GALNTL6: variants seen among roughly 807,000 people sequenced by gnomAD.
The protein encoded by GALNTL6 is polypeptide N-acetylgalactosaminyltransferase like 6, also known as polypeptide N-acetylgalactosaminyltransferase-like 6.
In GALNTL6, 46 loss-of-function variants were observed where a neutral mutation model predicts 73.7. The ratio of observed to expected loss-of-function variants is 0.62; its 90% CI spans 0.49 to 0.80. The LOEUF (loss-of-function observed/expected upper bound fraction) is 0.80, where lower values mean the gene tolerates loss of function less well. GALNTL6 is among the 30% of genes least tolerant of loss of function. The pLI is 0.00. For synonymous variants in GALNTL6, 259 were observed against 263.7 expected (o/e 0.98, Z 0.17); for missense variants, 604 against 755.0 (o/e 0.80, Z 2.34).
At chr4:171,995,807 A>T (rs2110747299) in intron 2 of GALNTL6, among the ~76,000 whole-genome samples, 1 of 152,214 alleles carries the variant, frequency 6.6e-6, no homozygotes, top group South Asian at 2.1e-4. Flanking sequence ...ATTCCAAAAT[A>T]TTATGTTGGT....
intron 2 of GALNTL6, among the ~76,000 whole-genome samples, chr4:172,072,764 C>T (rs2110905018): frequency 6.6e-6 from 1 of 152,322 alleles, no homozygotes; most frequent in East Asian, 1.9e-4. Flanking sequence ...CTGTCACTAA[C>T]ATCTTAGCCC....
intron 2 of GALNTL6, among the ~76,000 whole-genome samples, chr4:172,210,771 C>T (rs933799844): frequency 6.6e-6 from 1 of 152,114 alleles, no homozygotes; most frequent in Non-Finnish European, 1.5e-5. Flanking sequence ...GAGTTACGTT[C>T]CACCTAGTTG....
intron 2 of GALNTL6, chr4:172,052,456 G>A: frequency 6.5e-7 from 1 of 1,535,160 alleles, no homozygotes. Flanking sequence ...TGAGAGCCAA[G>A]TTCAGAGCCG....
At chr4:172,838,882 C>T (rs1039557767) in intron 7 of GALNTL6, among the ~76,000 whole-genome samples, 3 of 152,146 alleles carry the variant, frequency 2.0e-5, no homozygotes, top group Non-Finnish European at 2.9e-5. Context: ...CCCATCACCA[C>T]AGGGCATAAA....
chr4:171,926,623 A>T (rs1000931318), intron 2 of GALNTL6, among the ~76,000 whole-genome samples: 1 of 152,148 alleles, frequency 6.6e-6, no homozygotes, highest in Non-Finnish European at 1.5e-5. Flanking sequence ...TTTGTTATTT[A>T]AAAAACTTAC....
Position 172,532,368 on chromosome 4 carries a change from A to G in GALNTL6, c.553+183679A>G, listed in dbSNP as rs72704850. 3.9e-3 allele frequency among the ~76,000 whole-genome samples: 598 copies of G among 152,314 alleles called. 3 individuals carry two copies. Among genetic ancestry groups the G allele is most frequent in the Admixed American group, 7.4e-3 (113 of 15,306 alleles). On this transcript the variant is annotated intron_variant, in intron 5 of 12. Transcript: ENST00000506823. ...ACCAAGGATTGCCAGCAACAGCAGA[A>G]GCAAAGAAAAAGGCATGGAATAGAT...
At chr4:172,118,998 T>C (rs917752448) in intron 2 of GALNTL6, among the ~76,000 whole-genome samples, 5 of 151,876 alleles carry the variant, frequency 3.3e-5, no homozygotes, top group Admixed American at 3.3e-4. Flanking sequence ...TCTCATCAAA[T>C]CTCGTATTCA....
intron 9 of GALNTL6, among the ~76,000 whole-genome samples, chr4:172,940,641 G>A (rs944530259): frequency 2.6e-5 from 4 of 151,954 alleles, no homozygotes; most frequent in Non-Finnish European, 5.9e-5. Context: ...GATTACAGGC[G>A]CAAGCCACCA....
At chr4:172,915,148 T>C (rs957425747) in intron 8 of GALNTL6, among the ~76,000 whole-genome samples, 2 of 152,178 alleles carry the variant, frequency 1.3e-5, no homozygotes, top group African/African-American at 4.8e-5. Context: ...CCTGAATGAC[T>C]ACTGGGTACA....
intron 2 of GALNTL6, among the ~76,000 whole-genome samples, chr4:171,863,264 A>G (rs888995435): frequency 6.6e-6 from 1 of 152,216 alleles, no homozygotes; most frequent in African/African-American, 2.4e-5. Flanking sequence ...AAACTAATCA[A>G]TAAACATATT....
intron 5 of GALNTL6, among the ~76,000 whole-genome samples, chr4:172,524,064 C>A (rs898132359): frequency 6.6e-6 from 1 of 152,070 alleles, no homozygotes; most frequent in Non-Finnish European, 1.5e-5. Context: ...AGTTTTACTA[C>A]GTAAGCACAT....
intron 2 of GALNTL6, among the ~76,000 whole-genome samples, chr4:172,227,936 A>C (rs1736923903): frequency 6.6e-6 from 1 of 152,194 alleles, no homozygotes; most frequent in African/African-American, 2.4e-5. Flanking sequence ...AAAATTATCT[A>C]TTTTAATCTG....
Position 172,538,322 on chromosome 4 carries a change from G to A in GALNTL6, c.553+189633G>A, listed in dbSNP as rs535779958. ...AAAAATACAAAAAAATTAGCCAGGC[G>A]TGGTGGCGGTGCCTGTAGTCCCATC... On this transcript the variant is annotated intron_variant, in intron 5 of 12. Transcript: ENST00000506823. Among the ~76,000 whole-genome samples the A allele has an allele frequency of 4.0e-4, 61 of 152,090 alleles. 1 individual carries two copies. Among genetic ancestry groups the A allele is most frequent in the African/African-American group, 1.2e-3 (48 of 41,520 alleles).
chr4:172,636,037 G>A (rs1739661914), intron 5 of GALNTL6, among the ~76,000 whole-genome samples: 1 of 152,052 alleles, frequency 6.6e-6, no homozygotes, highest in Non-Finnish European at 1.5e-5. Context: ...ACTCAGTACA[G>A]GATACTTTTC....
chr4:173,039,935 C>G lies in GALNTL6; in HGVS notation c.1641C>G (p.Asp547Glu). 6.2e-7 allele frequency: 1 copy of G among 1,611,838 alleles called. No individual in the cohort carries two copies. Residue 547 changes from aspartate to glutamate, a missense_variant and splice_region_variant, in exon 13 of 13, where the codon GAC becomes GAG. This residue lies in a region of GALNTL6 where 261 missense variants were observed against 296.5 expected (regional missense o/e 0.88). Transcript: ENST00000506823. ...KGNQLWGYRK[D>E]RTLFHPVSNS... ...TCTTTTCTTCCTCACTCCTCCAGGA[C>G]AGAACATTATTCCATCCTGTGAGCA...
intron 2 of GALNTL6, among the ~76,000 whole-genome samples, chr4:172,097,028 T>C (rs1476515327): frequency 6.6e-6 from 1 of 152,208 alleles, no homozygotes; most frequent in Non-Finnish European, 1.5e-5. Context: ...ATCTGTTTTT[T>C]GCTCTGTATG....
chr4:172,209,378 A>G (rs1429946636), intron 2 of GALNTL6, among the ~76,000 whole-genome samples: 2 of 151,194 alleles, frequency 1.3e-5, no homozygotes, highest in Non-Finnish European at 3.0e-5. Context: ...ATAACCTAAG[A>G]CTCTATTTGA....
chr4:172,557,858 A>T (rs183051845), intron 5 of GALNTL6, among the ~76,000 whole-genome samples: 136 of 152,260 alleles, frequency 8.9e-4, no homozygotes, highest in Non-Finnish European at 1.5e-3. Context: ...GATGTTAAGC[A>T]TATATCTACC....
At chr4:172,104,097 C>G (rs1579142594) in intron 2 of GALNTL6, among the ~76,000 whole-genome samples, 1 of 152,046 alleles carries the variant, frequency 6.6e-6, no homozygotes, top group Admixed American at 6.6e-5. Flanking sequence ...GCGCCCACCA[C>G]CACGCCTGGC....
Sources: gnomAD v4.1 joint callset for allele counts (sites outside exome capture counted in the v4.1 genomes callset) on GRCh38, gnomAD v4.1.1 for gene constraint, gnomAD v4.1.1 regional missense constraint, MANE v1.5 for transcripts, NCBI Gene and HGNC (gene_info 2026-07-23, HGNC 2026-07-21) for gene names.